RBFOX1: variants seen among roughly 807,000 people sequenced by gnomAD.
RBFOX1 encodes RNA binding fox-1 homolog 1.
Under a neutral mutation model 57.7 loss-of-function variants are expected in RBFOX1, and 8 were observed. The observed-to-expected ratio is 0.14, with a 90% CI of 0.08 to 0.25. RBFOX1 has a LOEUF of 0.25. Among genes scored for constraint, RBFOX1 ranks in the 10% least tolerant of loss-of-function variants. The pLI, the probability that RBFOX1 is intolerant of heterozygous loss-of-function variation, is 1.00. For synonymous variants in RBFOX1, 326 were observed against 222.4 expected (o/e 1.47, Z -4.15); for missense variants, 611 against 548.5 (o/e 1.11, Z -1.14).
In RBFOX1 at chr16:6,293,802, C is replaced by A. The variant is rs1006954856; in HGVS notation, c.-126-23193C>A. On this transcript the variant is annotated intron_variant, in intron 1 of 15. Transcript: ENST00000550418. The stretch of plus-strand genomic sequence containing the variant: ...AGGGTCCAGGAATAGGATTCCAGTC[C>A]AAGGAAGTGGGATGAATAAAACCTC... 4.6e-5 allele frequency among the ~76,000 whole-genome samples: 7 copies of A among 151,644 alleles called. No individual in the cohort carries two copies. The South Asian group carries it at 1.5e-3, about 32-fold the overall frequency.
chr16:6,197,461 G>A (rs1401573357), intron 1 of RBFOX1, among the ~76,000 whole-genome samples: 1 of 152,090 alleles, frequency 6.6e-6, no homozygotes, highest in Non-Finnish European at 1.5e-5. Context: ...ACACTGGGTT[G>A]CTTGTTCTAT....
intron 3 of RBFOX1, among the ~76,000 whole-genome samples, chr16:5,785,184 T>C (rs2054458911): frequency 6.6e-6 from 1 of 152,210 alleles, no homozygotes; most frequent in East Asian, 1.9e-4. Context: ...GTCCTTGCTA[T>C]GTGGTATCTC....
chr16:6,997,595 A>C (rs1273770593), intron 3 of RBFOX1, among the ~76,000 whole-genome samples: 4 of 152,208 alleles, frequency 2.6e-5, no homozygotes, highest in Admixed American at 1.3e-4. Context: ...CAAAAGATAG[A>C]CTGCGTTTTG....
intron 1 of RBFOX1, among the ~76,000 whole-genome samples, chr16:6,263,341 G>T (rs1244730962): frequency 6.6e-6 from 1 of 152,140 alleles, no homozygotes; most frequent in African/African-American, 2.4e-5. Context: ...TGTGGGGCCG[G>T]TGTGGGATGG....
chr16:7,145,519 T>C (rs1482982430), intron 4 of RBFOX1, among the ~76,000 whole-genome samples: 1 of 150,388 alleles, frequency 6.6e-6, no homozygotes, highest in Admixed American at 6.6e-5. Context: ...CTTCCCCTTT[T>C]GCCATGTGAT....
intron 1 of RBFOX1, among the ~76,000 whole-genome samples, chr16:6,238,612 A>C (rs2097523792): frequency 1.3e-5 from 2 of 152,218 alleles, no homozygotes; most frequent in African/African-American, 4.8e-5. Context: ...TCAGTTGGGA[A>C]TGCATTAAAA....
chr16:7,559,421 CCAGT>C (rs1376861633), intron 5 of RBFOX1, among the ~76,000 whole-genome samples: 1 of 152,160 alleles, frequency 6.6e-6, no homozygotes, highest in Non-Finnish European at 1.5e-5. Context: ...TTGCTTGACT[CCAGT>C]CAGAGAAACC....
chr16:7,158,643 T>A (rs1221411642), intron 4 of RBFOX1, among the ~76,000 whole-genome samples: 1 of 151,986 alleles, frequency 6.6e-6, no homozygotes, highest in Non-Finnish European at 1.5e-5. Context: ...GTGTGTTTTG[T>A]GGTGTGTCTA....
chr16:7,598,964 C>A (rs953689768), intron 9 of RBFOX1, among the ~76,000 whole-genome samples: 1 of 152,164 alleles, frequency 6.6e-6, no homozygotes, highest in Non-Finnish European at 1.5e-5. Flanking sequence ...ATTTGACAGT[C>A]AGTTTGCTCT....
At chr16:6,715,697 C>G (rs961721578) in intron 3 of RBFOX1, among the ~76,000 whole-genome samples, 31 of 152,196 alleles carry the variant, frequency 2.0e-4, no homozygotes, top group African/African-American at 7.0e-4. Flanking sequence ...CCCACCTGGC[C>G]CAGAAATGCC....
intron 4 of RBFOX1, 103 bp from the exon 5 acceptor site, chr16:7,518,044 G>T: frequency 7.0e-7 from 1 of 1,434,770 alleles, no homozygotes. Flanking sequence ...GTGACCCCTA[G>T]AAAGTACGCG....
chr16:6,007,451 G>C (rs1396039379), intron 4 of RBFOX1, among the ~76,000 whole-genome samples: 1 of 152,162 alleles, frequency 6.6e-6, no homozygotes, highest in Non-Finnish European at 1.5e-5. Flanking sequence ...TCTTCAGTCA[G>C]GTCTTGAGAT....
At chr16:6,391,344 C>T (rs1305018660) in intron 2 of RBFOX1, among the ~76,000 whole-genome samples, 1 of 152,028 alleles carries the variant, frequency 6.6e-6, no homozygotes, top group Non-Finnish European at 1.5e-5. Context: ...CCCGTCTCTA[C>T]TAAAAATACA....
intron 2 of RBFOX1, among the ~76,000 whole-genome samples, chr16:6,423,518 G>A (rs140538859): frequency 8.5e-5 from 13 of 152,306 alleles, no homozygotes; most frequent in East Asian, 5.8e-4. Flanking sequence ...AGAATTGCTC[G>A]AACCTGGGAG....
intron 5 of RBFOX1, among the ~76,000 whole-genome samples, chr16:7,570,269 C>T (rs2092638855): frequency 6.6e-6 from 1 of 151,806 alleles, no homozygotes; most frequent in Admixed American, 6.6e-5. Context: ...CACCAGCATC[C>T]TTGAGCTATA....
intron 3 of RBFOX1, among the ~76,000 whole-genome samples, chr16:6,999,741 A>G (rs966872041): frequency 6.6e-6 from 1 of 152,064 alleles, no homozygotes. Flanking sequence ...CTTTTTAAAA[A>G]AAGAACTGTA....
intron 4 of RBFOX1, among the ~76,000 whole-genome samples, chr16:5,895,837 A>C (rs143995754): frequency 9.2e-5 from 14 of 152,314 alleles, no homozygotes; most frequent in African/African-American, 3.4e-4. Flanking sequence ...TATAAACGGA[A>C]AGCGATGTAA....
At chr16:6,745,553 A>G (rs938329248) in intron 3 of RBFOX1, among the ~76,000 whole-genome samples, 16 of 152,358 alleles carry the variant, frequency 1.1e-4, no homozygotes, top group African/African-American at 3.4e-4. Context: ...AACTAACACA[A>G]TTATTTTAAT....
intron 1 of RBFOX1, among the ~76,000 whole-genome samples, chr16:6,101,603 C>T (rs2096309535): frequency 6.6e-6 from 1 of 152,182 alleles, no homozygotes; most frequent in Non-Finnish European, 1.5e-5. Flanking sequence ...ACTCCTGCCT[C>T]ACCCTCCGGA....
Sources: allele counts gnomAD v4.1 joint callset (sites outside exome capture counted in the v4.1 genomes callset), GRCh38; gene constraint gnomAD v4.1.1; transcripts MANE v1.5; gene names NCBI Gene and HGNC (gene_info 2026-07-23, HGNC 2026-07-21).